Variants in PLCG2 observed in about 807,000 individuals in gnomAD.
PLCG2 encodes the protein phospholipase C gamma 2, also known as 1-phosphatidylinositol 4,5-bisphosphate phosphodiesterase gamma-2.
In PLCG2, 69 loss-of-function variants were observed where a neutral mutation model predicts 175.6. The observed-to-expected ratio is 0.39, with a 90% CI of 0.32 to 0.48. The LOEUF is 0.48. Among genes scored for constraint, PLCG2 ranks in the 20% least tolerant of loss-of-function variants. PLCG2 has a pLI of 0.91. For synonymous variants in PLCG2, 827 were observed against 624.0 expected, an observed-to-expected ratio of 1.33 and a Z score of -4.85; for missense variants, 1,798 against 1,650.9, an observed-to-expected ratio of 1.09 and a Z score of -1.54.
intron 2 of PLCG2, among the ~76,000 whole-genome samples, chr16:81,760,523 C>G (rs1389233398): frequency 1.3e-5 from 2 of 152,076 alleles, no homozygotes; most frequent in African/African-American, 4.8e-5. Flanking sequence ...CTGGCTTTTT[C>G]TTTGGCTAGG....
chr16:81,901,560 A>G (rs1909152972), intron 14 of PLCG2, among the ~76,000 whole-genome samples: 2 of 152,174 alleles, frequency 1.3e-5, no homozygotes, highest in Non-Finnish European at 2.9e-5. Context: ...CACGGTTAGA[A>G]TCAGAGGGGC....
chr16:81,797,694 C>G (rs1044022188), intron 2 of PLCG2, among the ~76,000 whole-genome samples: 2 of 152,230 alleles, frequency 1.3e-5, no homozygotes, highest in African/African-American at 2.4e-5. Context: ...GCAGCAGTAT[C>G]TGGGGTTGAG....
intron 2 of PLCG2, among the ~76,000 whole-genome samples, chr16:81,838,279 G>A (rs974404176): frequency 3.3e-5 from 5 of 152,054 alleles, no homozygotes; most frequent in African/African-American, 7.2e-5. Context: ...TAGAGATGGG[G>A]TTTCACCATG....
intron 2 of PLCG2, among the ~76,000 whole-genome samples, chr16:81,815,478 C>T (rs1870501758): frequency 6.6e-6 from 1 of 152,230 alleles, no homozygotes; most frequent in Admixed American, 6.5e-5. Flanking sequence ...GAGGCTTCCT[C>T]ATTTGCATCT....
intron 2 of PLCG2, among the ~76,000 whole-genome samples, chr16:81,816,059 C>CT (rs869195401): frequency 7.7e-5 from 2 of 25,864 alleles, no homozygotes; most frequent in Admixed American, 7.1e-4. Context: ...ATGACTTCAT[C>CT]TTTAAAAAAA....
chr16:81,926,953 A>T (rs1308010628), intron 22 of PLCG2, 129 bp from the exon 23 acceptor site: 3 of 683,414 alleles, frequency 4.4e-6, no homozygotes, highest in East Asian at 5.0e-5. Flanking sequence ...ACAGATAGTG[A>T]CACTGGTCAC....
intron 14 of PLCG2, among the ~76,000 whole-genome samples, chr16:81,902,291 C>A (rs76668053): frequency 6.6e-6 from 1 of 152,284 alleles, no homozygotes; most frequent in Non-Finnish European, 1.5e-5. Flanking sequence ...TCTGTTCCTG[C>A]AGCTATCACA....
At chr16:81,907,890 C>G in intron 16 of PLCG2, 116 bp downstream of exon 16, 1 of 683,794 alleles carries the variant, frequency 1.5e-6, no homozygotes, top group Admixed American at 2.4e-5. Context: ...GGGGATGCTC[C>G]GCTGAAGAAG....
At chr16:81,861,215 G>A (rs1436073454) in intron 5 of PLCG2, among the ~76,000 whole-genome samples, 3 of 152,114 alleles carry the variant, frequency 2.0e-5, no homozygotes, top group African/African-American at 2.4e-5. Flanking sequence ...ATTTATTTAT[G>A]TCATTATCCT....
At chr16:81,876,712 T>G (rs930847158) in intron 7 of PLCG2, among the ~76,000 whole-genome samples, 9 of 152,222 alleles carry the variant, frequency 5.9e-5, no homozygotes, top group African/African-American at 2.2e-4. Context: ...ACTGGCCCTT[T>G]GCTGGGGTGG....
chr16:81,765,683 C>G (rs1479967121), intron 2 of PLCG2, among the ~76,000 whole-genome samples: 2 of 152,150 alleles, frequency 1.3e-5, no homozygotes, highest in African/African-American at 4.8e-5. Flanking sequence ...CCCGGGGTCT[C>G]AGACTTTTAG....
intron 13 of PLCG2, among the ~76,000 whole-genome samples, chr16:81,897,427 C>T (rs188887234): frequency 1.3e-5 from 2 of 152,214 alleles, no homozygotes; most frequent in African/African-American, 2.4e-5. Flanking sequence ...CCTCACAGGG[C>T]GGTTGTGATG....
At chr16:81,870,145 C>A (rs941909901) in intron 6 of PLCG2, among the ~76,000 whole-genome samples, 11 of 152,156 alleles carry the variant, frequency 7.2e-5, no homozygotes, top group Non-Finnish European at 1.0e-4. Flanking sequence ...AAGGGTAGGT[C>A]AGAAGAGGAG....
At position 81,956,689 on chromosome 16, in the gene PLCG2, C is replaced by T; in HGVS notation, c.3571-6C>T. The T allele has an allele frequency of 1.2e-6, 2 of 1,612,878 alleles. No homozygotes were observed. Among genetic ancestry groups the T allele is most frequent in the Non-Finnish European group, 1.7e-6 (2 of 1,179,462 alleles). The stretch of plus-strand genomic sequence containing the variant: ...ACATGGTTGTTCTCTCCCCTGCATC[C>T]TCCAGGAGAGCGAAGAGGAACTTTA... On this transcript the variant is annotated splice_polypyrimidine_tract_variant and splice_region_variant and intron_variant, in intron 31 of 32. Coordinates refer to ENST00000564138, the MANE Select transcript of PLCG2 (RefSeq NM_002661.5).
intron 30 of PLCG2, 95 bp downstream of exon 30, chr16:81,940,154 G>A: frequency 5.3e-6 from 6 of 1,136,656 alleles, no homozygotes; most frequent in East Asian, 4.8e-5. Context: ...GATTTTTCCT[G>A]GTTTGGATGG....
chr16:81,885,879 C>T (rs944001175), intron 9 of PLCG2, among the ~76,000 whole-genome samples: 2 of 152,170 alleles, frequency 1.3e-5, no homozygotes, highest in Non-Finnish European at 2.9e-5. Context: ...TTCCTAGTGC[C>T]GGGGTTGAAT....
chr16:81,815,907 C>G (rs534424237), intron 2 of PLCG2, among the ~76,000 whole-genome samples: 33 of 149,620 alleles, frequency 2.2e-4, no homozygotes, highest in African/African-American at 7.4e-4. Flanking sequence ...ACTAAAAATA[C>G]AAAAATTAGC....
intron 10 of PLCG2, among the ~76,000 whole-genome samples, chr16:81,889,772 A>C (rs146630005): frequency 0.016 from 2,486 of 152,202 alleles, 69 homozygotes; most frequent in African/African-American, 0.057. Flanking sequence ...CTCGTGCCTC[A>C]GCCTCCCGAG....
intron 30 of PLCG2, among the ~76,000 whole-genome samples, chr16:81,943,265 AG>A (rs1161895207): frequency 6.6e-6 from 1 of 152,220 alleles, no homozygotes; most frequent in Non-Finnish European, 1.5e-5. Flanking sequence ...ATTGGCTCAC[AG>A]TTCTGCAGGC....
Sources: allele counts gnomAD v4.1 joint callset (sites outside exome capture counted in the v4.1 genomes callset), GRCh38; gene constraint gnomAD v4.1.1; transcripts MANE v1.5; gene names NCBI Gene and HGNC (gene_info 2026-07-23, HGNC 2026-07-21).